The following VAV2 variants were observed in gnomAD, a reference collection of about 807,000 sequenced individuals.
The protein encoded by VAV2 is vav guanine nucleotide exchange factor 2.
VAV2 carries 67 observed loss-of-function variants against 132.5 expected under a neutral mutation model. That is an observed-to-expected ratio of 0.51 (90% CI 0.42 to 0.62). The LOEUF is 0.62. Ranked by LOEUF, VAV2 falls within the 20% of genes least tolerant of loss-of-function variation. VAV2 has a pLI of 0.00. For missense variants in VAV2, 938 were observed against 1,153.6 expected (o/e 0.81, Z 2.71); for synonymous variants, 492 against 443.5 (o/e 1.11, Z -1.37).
At chr9:133,966,216 G>GT (rs1220677985) in intron 1 of VAV2, among the ~76,000 whole-genome samples, 1 of 152,164 alleles carries the variant, frequency 6.6e-6, no homozygotes, top group African/African-American at 2.4e-5. Context: ...CCGGACATTG[G>GT]TCTGGGCAAA....
intron 1 of VAV2, among the ~76,000 whole-genome samples, chr9:133,988,250 A>C (rs1329985140): frequency 6.7e-6 from 1 of 149,746 alleles, no homozygotes; most frequent in East Asian, 2.0e-4. Flanking sequence ...CTGCCACCCC[A>C]TGAAAAGAGA....
At chr9:133,819,792 G>C (rs1264759519) in intron 4 of VAV2, among the ~76,000 whole-genome samples, 1 of 152,134 alleles carries the variant, frequency 6.6e-6, no homozygotes, top group Non-Finnish European at 1.5e-5. Context: ...GTTCCTCTGT[G>C]TCATTTGAAA....
At chr9:133,821,862 G>A (rs1162350062) in intron 4 of VAV2, among the ~76,000 whole-genome samples, 1 of 152,014 alleles carries the variant, frequency 6.6e-6, no homozygotes, top group African/African-American at 2.4e-5. Flanking sequence ...CTCCACCCCA[G>A]GCCAGTGACC....
At chr9:133,983,196 G>A (rs1049516759) in intron 1 of VAV2, among the ~76,000 whole-genome samples, 1 of 152,156 alleles carries the variant, frequency 6.6e-6, no homozygotes, top group Non-Finnish European at 1.5e-5. Context: ...CCCTGTCCTG[G>A]GAGTCCCACC....
rs189471786 is a variant in VAV2, at chr9:133,976,160, C to T, written c.204+15915G>A. Among the ~76,000 whole-genome samples, 89 of 152,056 alleles carry T rather than the reference C, an allele frequency of 5.9e-4. 1 individual carries two copies. Among genetic ancestry groups the T allele is most frequent in the African/African-American group, 1.9e-3 (80 of 41,450 alleles). On this transcript the variant is annotated intron_variant, in intron 1 of 29. Transcript: ENST00000371850. Reference sequence around the variant, plus strand: ...GGCGGAGGTTGCAGTGAGCGGAGATCGCACCACTGCACTCCAGACTGGGTG... The same window carrying T: ...GGCGGAGGTTGCAGTGAGCGGAGATTGCACCACTGCACTCCAGACTGGGTG...
intron 29 of VAV2, among the ~76,000 whole-genome samples, chr9:133,765,871 C>T (rs564234857): frequency 7.9e-5 from 12 of 152,250 alleles, no homozygotes; most frequent in African/African-American, 2.9e-4. Flanking sequence ...AAAACATTCA[C>T]AATTGGTAAA....
intron 23 of VAV2, among the ~76,000 whole-genome samples, chr9:133,777,168 C>T (rs950837267): frequency 1.3e-5 from 2 of 152,110 alleles, no homozygotes; most frequent in Non-Finnish European, 2.9e-5. Flanking sequence ...AACGAAACGA[C>T]ACCCGATCGG....
At chr9:133,989,425 C>G (rs1047947209) in intron 1 of VAV2, among the ~76,000 whole-genome samples, 3 of 149,786 alleles carry the variant, frequency 2.0e-5, no homozygotes, top group African/African-American at 7.4e-5. Flanking sequence ...GAGGATGAGG[C>G]AGGAGAATTG....
intron 3 of VAV2, among the ~76,000 whole-genome samples, chr9:133,845,983 G>T (rs1313239294): frequency 6.6e-6 from 1 of 152,206 alleles, no homozygotes; most frequent in Non-Finnish European, 1.5e-5. Context: ...AGCAGGGTTG[G>T]GGGCACACCC....
chr9:133,991,716 C>G lies in VAV2; in HGVS notation c.204+359G>C, dbSNP rs1843025867. Among the ~76,000 whole-genome samples the G allele has an allele frequency of 6.6e-6, 1 of 151,414 alleles. No individual in the cohort carries two copies. The highest frequency in any genetic ancestry group is 2.1e-4 in the South Asian group (1 of 4,836). ...AGGATGCGACCCACGACGCGCACAC[C>G]CGGCTCGGCAGGCTCCCTGGGAAAT... On this transcript the variant is annotated intron_variant, in intron 1 of 29. Transcript: ENST00000371850. This position sits in a 1 kb window ranked among gnomAD's most constrained non-coding sequence, Gnocchi z 4.8.
intron 4 of VAV2, among the ~76,000 whole-genome samples, chr9:133,827,004 C>T (rs1836016091): frequency 6.6e-6 from 1 of 152,146 alleles, no homozygotes; most frequent in African/African-American, 2.4e-5. Flanking sequence ...ATTCCCAGGG[C>T]CCCCCACAGA....
intron 2 of VAV2, among the ~76,000 whole-genome samples, chr9:133,910,799 G>A (rs1839854294): frequency 6.7e-6 from 1 of 149,442 alleles, no homozygotes; most frequent in South Asian, 2.2e-4. Context: ...ACCCCAGCCT[G>A]GGCGACAGAG....
chr9:133,803,971 G>A (rs1835039101), intron 9 of VAV2, among the ~76,000 whole-genome samples: 1 of 152,094 alleles, frequency 6.6e-6, no homozygotes, highest in Admixed American at 6.5e-5. Context: ...GTCCTCCGCT[G>A]TGCAGCCCTC....
Position 133,928,193 on chromosome 9 carries a change from G to GTA in VAV2, c.321+10909_321+10910insTA, listed in dbSNP as rs1245564399. ...TCCGTGTGTGTGTGTGTGTGTGCGT[G>GTA]CATGTGTGTATGTCTGTGTGTGTGC... On this transcript the variant is annotated intron_variant, in intron 2 of 29. Coordinates refer to ENST00000371850, the MANE Select transcript of VAV2 (RefSeq NM_001134398.2). This position sits in a 1 kb window ranked among gnomAD's most constrained non-coding sequence, Gnocchi z 5.4. 7.4e-5 allele frequency among the ~76,000 whole-genome samples: 11 copies of GTA among 149,602 alleles called. No individual in the cohort carries two copies. The highest frequency in any genetic ancestry group is 1.0e-4 in the Non-Finnish European group (7 of 67,312).
At chr9:133,975,982 GGTCA>G (rs770401210) in intron 1 of VAV2, among the ~76,000 whole-genome samples, 4 of 151,658 alleles carry the variant, frequency 2.6e-5, no homozygotes, top group Non-Finnish European at 5.9e-5. Context: ...TGGATCACGA[GGTCA>G]GTAGTTCAAG....
At chr9:133,913,103 CT>C (rs1291164725) in intron 2 of VAV2, among the ~76,000 whole-genome samples, 1 of 152,188 alleles carries the variant, frequency 6.6e-6, no homozygotes, top group African/African-American at 2.4e-5. Context: ...CCTTTGCCCC[CT>C]CTTCCTCTCC....
chr9:133,924,544 C>T (rs1840406023), intron 2 of VAV2, among the ~76,000 whole-genome samples: 1 of 152,204 alleles, frequency 6.6e-6, no homozygotes, highest in Non-Finnish European at 1.5e-5. Flanking sequence ...CCCCCAGCCT[C>T]ACCTCATCCA....
chr9:133,907,873 C>G (rs73662339), intron 2 of VAV2, among the ~76,000 whole-genome samples: 5,479 of 131,772 alleles, frequency 0.042, 428 homozygotes, highest in African/African-American at 0.14. Context: ...CTTTCCTTTA[C>G]CGCCCTCCCC....
chr9:133,769,789 G>T lies in VAV2; in HGVS notation c.2348-286C>A, dbSNP rs1357984951. Among the ~76,000 whole-genome samples the T allele has an allele frequency of 6.6e-6, 1 of 152,216 alleles. No homozygotes were observed. The highest frequency in any genetic ancestry group is 2.4e-5 in the African/African-American group (1 of 41,458). Reference sequence around the variant, plus strand: ...CATGCCCTCGCCTGGCACATAGCAGGTGCTCACTAAGGCCAGCTGTTCCTC... The same window carrying T: ...CATGCCCTCGCCTGGCACATAGCAGTTGCTCACTAAGGCCAGCTGTTCCTC... On this transcript the variant is annotated intron_variant, in intron 27 of 29. Coordinates refer to ENST00000371850, the MANE Select transcript of VAV2 (RefSeq NM_001134398.2). The surrounding 1 kb of genome is among the most constrained non-coding windows in gnomAD (Gnocchi z 8.1).
Sources: gnomAD v4.1 joint callset for allele counts (sites outside exome capture counted in the v4.1 genomes callset) on GRCh38, gnomAD v4.1.1 for gene constraint, Gnocchi (gnomAD v3.1) non-coding constraint, MANE v1.5 for transcripts, NCBI Gene and HGNC (gene_info 2026-07-23, HGNC 2026-07-21) for gene names.